ACSF2: variants seen among roughly 807,000 people sequenced by gnomAD.
ACSF2 encodes medium-chain acyl-CoA ligase ACSF2, mitochondrial.
ACSF2 carries 52 observed loss-of-function variants against 79.3 expected under a neutral mutation model. That is an observed-to-expected ratio of 0.66 (90% CI 0.53 to 0.83). ACSF2 has a LOEUF of 0.83. Ranked by LOEUF, ACSF2 falls within the 40% of genes least tolerant of loss-of-function variation. The pLI is 0.00. For synonymous variants in ACSF2, 283 were observed against 312.6 expected, an observed-to-expected ratio of 0.91 and a Z score of 1.00; for missense variants, 661 against 803.3, an observed-to-expected ratio of 0.82 and a Z score of 2.14.
chr17:50,465,372 G>A, intron 10 of ACSF2: 1 of 1,614,082 alleles, frequency 6.2e-7, no homozygotes, highest in South Asian at 1.1e-5. Flanking sequence ...TCACGGATGT[G>A]CTGGCCCTTG....
Position 50,473,652 on chromosome 17 carries a change from G to A in ACSF2, c.1476-13G>A, listed in dbSNP as rs2033215367. On this transcript the variant is annotated splice_polypyrimidine_tract_variant and intron_variant, in intron 12 of 15. Transcript: ENST00000300441. ...GGCAGAGATGACAGGTTGCCCCTGG[G>A]CTTTCCTTACAGAGATGTCGCCACA... 1.9e-6 allele frequency: 3 copies of A among 1,614,162 alleles called. No homozygotes were observed. In the East Asian group the frequency reaches 6.7e-5, roughly 36 times the overall value.
At chr17:50,428,742 AC>A (rs1161240278) in intron 1 of ACSF2, among the ~76,000 whole-genome samples, 1 of 152,082 alleles carries the variant, frequency 6.6e-6, no homozygotes, top group Admixed American at 6.5e-5. Flanking sequence ...AGATTGCACC[AC>A]TGCACTCCAG....
At position 50,471,477 on chromosome 17, in the gene ACSF2, G is replaced by C. The variant is rs867023035; in HGVS notation, c.1323+342G>C. 3 of 320,452 alleles carry C rather than the reference G, an allele frequency of 9.4e-6. No homozygotes were observed. The highest frequency in any genetic ancestry group is 1.0e-3 in the Middle Eastern group (1 of 988). 19.9% of individuals were successfully genotyped at this position (320,452 alleles called of 1,614,324 possible). ...AGAGCACAGAGAGTTTTCCTACACA[G>C]CTTCTTTTCCTCCAGTGGTGCTCGC... On this transcript the variant is annotated intron_variant, in intron 11 of 15. Coordinates refer to ENST00000300441, the MANE Select transcript of ACSF2 (RefSeq NM_025149.6). This position sits in a 1 kb window ranked among gnomAD's most constrained non-coding sequence, Gnocchi z 4.1.
At chr17:50,464,325 C>G in intron 10 of ACSF2, 31 bp downstream of exon 10, 10 of 1,606,626 alleles carry the variant, frequency 6.2e-6, no homozygotes, top group Non-Finnish European at 8.5e-6. Flanking sequence ...GGGCTGTGGG[C>G]AGGCCAGGCC....
chr17:50,446,246 TAGA>T lies in ACSF2; in HGVS notation c.129-14428_129-14426del, dbSNP rs1403158170. ...ACTACATTGGCAGTAGCTTAAGCCC[TAGA>T]AGGTTTTTTTTTTTAAAACTTCGTG... On this transcript the variant is annotated intron_variant, in intron 1 of 15. Transcript: ENST00000300441. Among the ~76,000 whole-genome samples, 6 of 152,302 alleles carry T rather than the reference TAGA, an allele frequency of 3.9e-5. No individual in the cohort carries two copies. The East Asian group carries it at 1.2e-3, about 29-fold the overall frequency.
chr17:50,469,040 A>T (rs2032958156), intron 10 of ACSF2: 12 of 1,318,346 alleles, frequency 9.1e-6, no homozygotes, highest in East Asian at 6.3e-5. Flanking sequence ...CCGTTCCCCC[A>T]GCCGGCTACC....
intron 11 of ACSF2, 76 bp from the exon 12 acceptor site, chr17:50,472,352 C>G: frequency 6.5e-7 from 1 of 1,539,844 alleles, no homozygotes; most frequent in Non-Finnish European, 8.7e-7. Flanking sequence ...GCAGGCAAAG[C>G]TCTCTCCATT....
chr17:50,468,941 C>T, intron 10 of ACSF2: 3 of 1,407,218 alleles, frequency 2.1e-6, no homozygotes, highest in Non-Finnish European at 2.8e-6. Context: ...GCAGCCGAGC[C>T]AGCTCCTACG....
chr17:50,472,312 ATTC>A, intron 11 of ACSF2, 113 bp from the exon 12 acceptor site: 11 of 1,299,280 alleles, frequency 8.5e-6, no homozygotes, highest in Non-Finnish European at 1.1e-5. Flanking sequence ...AGGGGGCCTC[ATTC>A]CAGGCAGTTG....
intron 10 of ACSF2, chr17:50,465,657 C>A: frequency 6.2e-7 from 1 of 1,600,744 alleles, no homozygotes; most frequent in South Asian, 1.1e-5. Context: ...GGCTAATGTG[C>A]CTCTATCACA....
intron 10 of ACSF2, among the ~76,000 whole-genome samples, chr17:50,470,383 C>T (rs1011102787): frequency 6.6e-6 from 1 of 151,964 alleles, no homozygotes; most frequent in Non-Finnish European, 1.5e-5. Context: ...TTTCCAACCA[C>T]TGGAAATGGG....
intron 1 of ACSF2, among the ~76,000 whole-genome samples, chr17:50,455,832 C>A (rs992738222): frequency 6.6e-6 from 1 of 152,182 alleles, no homozygotes; most frequent in African/African-American, 2.4e-5. Context: ...GTCCCCCGAG[C>A]TTCAGAGCAT....
At chr17:50,469,020 G>C in intron 10 of ACSF2, 1 of 1,349,540 alleles carries the variant, frequency 7.4e-7, no homozygotes, top group Non-Finnish European at 9.5e-7. Flanking sequence ...CCACGGGGAA[G>C]GGGGCGGGGC....
chr17:50,472,311 C>T, intron 11 of ACSF2, 117 bp from the exon 12 acceptor site: 1 of 1,268,190 alleles, frequency 7.9e-7, no homozygotes, highest in South Asian at 1.4e-5. Context: ...CAGGGGGCCT[C>T]ATTCCAGGCA....
At chr17:50,467,714 C>G (rs1010764678) in intron 10 of ACSF2, 2 of 266,470 alleles carry the variant, frequency 7.5e-6, no homozygotes, top group East Asian at 7.0e-5. Flanking sequence ...GTGGAAGGCC[C>G]AACAGGAAGA....
chr17:50,461,989 CAG>C (rs1305696790), intron 4 of ACSF2, among the ~76,000 whole-genome samples, 193 bp from the exon 5 acceptor site: 1 of 149,386 alleles, frequency 6.7e-6, no homozygotes, highest in Non-Finnish European at 1.5e-5. Context: ...ATATGTGTCT[CAG>C]GGTGTGGTGT....
chr17:50,458,869 C>T (rs1046505997), intron 1 of ACSF2, among the ~76,000 whole-genome samples: 9 of 152,250 alleles, frequency 5.9e-5, no homozygotes, highest in Non-Finnish European at 1.3e-4. Context: ...GGATTCCCCC[C>T]ACAGTCTGCC....
chr17:50,466,452 C>T (rs915996925), intron 10 of ACSF2, among the ~76,000 whole-genome samples: 1 of 152,196 alleles, frequency 6.6e-6, no homozygotes. Flanking sequence ...TGCCCTGGGT[C>T]ACAGCAGTGG....
intron 1 of ACSF2, 146 bp downstream of exon 1, chr17:50,426,535 T>A: frequency 9.2e-7 from 1 of 1,087,842 alleles, no homozygotes; most frequent in Non-Finnish European, 1.2e-6. Flanking sequence ...CGCCAGCACC[T>A]AGGCAATAGG....
Sources: gnomAD v4.1 joint callset for allele counts (sites outside exome capture counted in the v4.1 genomes callset) on GRCh38, gnomAD v4.1.1 for gene constraint, Gnocchi (gnomAD v3.1) non-coding constraint, MANE v1.5 for transcripts, NCBI Gene and HGNC (gene_info 2026-07-23, HGNC 2026-07-21) for gene names.